The following OTOG variants were observed in gnomAD, a reference collection of about 807,000 sequenced individuals.
OTOG encodes otogelin.
A neutral mutation model predicts 313.8 loss-of-function variants in OTOG; 296 were observed. The observed-to-expected ratio is 0.94, with a 90% CI of 0.86 to 1.04. OTOG has a LOEUF of 1.04. Among genes scored for constraint, OTOG ranks in the 50% least tolerant of loss-of-function variants. The probability of loss-of-function intolerance (pLI) is 0.00; values close to 1 mark genes in which losing one functional copy is unlikely to be tolerated. For synonymous variants in OTOG, 1,533 were observed against 1,554.9 expected (o/e 0.99, Z 0.33); for missense variants, 3,948 against 3,840.1 (o/e 1.03, Z -0.74).
chr11:17,609,720 G>T lies in OTOG; in HGVS notation c.4420G>T (p.Gly1474Trp), dbSNP rs755818807. The T allele has an allele frequency of 6.5e-7, 1 of 1,541,342 alleles. No homozygotes were observed. The highest frequency in any genetic ancestry group is 1.2e-5 in the South Asian group (1 of 82,200). The change falls in exon 36 of 56, where the codon GGG becomes TGG. Residue 1474 changes from glycine (G) to tryptophan (W), a missense_variant. Gly to Trp is a radical substitution (Grantham distance 184). Transcript: ENST00000399397. ...LGNETLPPSQ[G>W]LPTPSDEEPQ... ...CAATGAGACCCTCCCTCCCAGTCAAGGGTTGCCCACTCCCAGTGATGAGGA... is the reference window on the plus strand; with the variant it reads ...CAATGAGACCCTCCCTCCCAGTCAATGGTTGCCCACTCCCAGTGATGAGGA...
Position 17,634,725 on chromosome 11 carries a change from G to A in OTOG, c.7481-119G>A, listed in dbSNP as rs192487134. On this transcript the variant is annotated intron_variant, in intron 44 of 55. Coordinates refer to ENST00000399397, the MANE Select transcript of OTOG (RefSeq NM_001292063.2). ...TCATCTAGGAGTATGGGTCCTGGGG[G>A]CTGGGGGGAGGAGTGGGGCCAGGCG... The A allele has an allele frequency of 1.6e-4, 127 of 791,262 alleles. 1 individual carries two copies. Among genetic ancestry groups the A allele is most frequent in the Middle Eastern group, 1.4e-3 (4 of 2,778 alleles). 49.0% of individuals were successfully genotyped at this position (791,262 alleles called of 1,614,324 possible).
At chr11:17,578,909 C>A (rs1852602018) in intron 23 of OTOG, among the ~76,000 whole-genome samples, 1 of 152,222 alleles carries the variant, frequency 6.6e-6, no homozygotes, top group African/African-American at 2.4e-5. Flanking sequence ...AGCTCTCAAC[C>A]TCTTCCTCTG....
In OTOG at chr11:17,612,661, G is replaced by C; in HGVS notation, c.6334G>C (p.Asp2112His). 2 of 1,550,530 alleles carry C rather than the reference G, an allele frequency of 1.3e-6. No individual in the cohort carries two copies. Among genetic ancestry groups the C allele is most frequent in the Non-Finnish European group, 1.7e-6 (2 of 1,146,970 alleles). The part of the protein sequence containing the change: ...IFPDLSFVTF[D>H]GSHVALFKEA... ...CCCTGACCTGAGCTTCGTGACCTTC[G>C]ATGGGAGCCACGTAGCTCTGTTCAA... The change falls in exon 38 of 56, where the codon GAT becomes CAT. Residue 2112 changes from aspartate (D) to histidine (H), a missense_variant. Coordinates refer to ENST00000399397, the MANE Select transcript of OTOG (RefSeq NM_001292063.2).
At chr11:17,569,561 T>A (rs184995269) in intron 16 of OTOG, among the ~76,000 whole-genome samples, 55 of 152,338 alleles carry the variant, frequency 3.6e-4, no homozygotes, top group Non-Finnish European at 6.5e-4. Context: ...CTCTCATAAC[T>A]TGTTTATTAA....
chr11:17,602,300 T>G lies in OTOG; in HGVS notation c.3800T>G (p.Val1267Gly). 6.4e-7 allele frequency: 1 copy of G among 1,550,546 alleles called. No homozygotes were observed. Among genetic ancestry groups the G allele is most frequent in the South Asian group, 1.2e-5 (1 of 84,040 alleles). The change falls in exon 32 of 56, where the codon GTG becomes GGG. Residue 1267 changes from valine (V) to glycine (G), a missense_variant. Transcript: ENST00000399397. ...MKAVGDDIVL[V>G]RTEDVAPADI... ...GCGGTGGGCGATGACATAGTCCTAG[T>G]GAGGACAGAGGATGTGGCGCCAGCA...
intron 15 of OTOG, among the ~76,000 whole-genome samples, chr11:17,564,086 C>T (rs1852250841): frequency 6.6e-6 from 1 of 152,132 alleles, no homozygotes; most frequent in Non-Finnish European, 1.5e-5. Context: ...TGCCTCTTGA[C>T]AGCAGGTTCT....
At chr11:17,580,074 T>C (rs565655767) in intron 23 of OTOG, among the ~76,000 whole-genome samples, 1 of 152,322 alleles carries the variant, frequency 6.6e-6, no homozygotes, top group East Asian at 1.9e-4. Flanking sequence ...CCTAGGACCC[T>C]TGGGACCCAT....
intron 3 of OTOG, 142 bp from the exon 4 acceptor site, chr11:17,551,858 G>A: frequency 1.4e-6 from 1 of 691,232 alleles, no homozygotes; most frequent in Non-Finnish European, 2.6e-6. Context: ...GGCCAGGCGA[G>A]GAGGAGTGGC....
intron 23 of OTOG, among the ~76,000 whole-genome samples, chr11:17,581,373 A>C (rs1192148315): frequency 2.6e-5 from 4 of 152,178 alleles, no homozygotes; most frequent in Non-Finnish European, 4.4e-5. Flanking sequence ...AGGAGGGGTG[A>C]GATGCATCGT....
At chr11:17,619,615 A>G (rs1397454403) in intron 39 of OTOG, among the ~76,000 whole-genome samples, 2 of 152,052 alleles carry the variant, frequency 1.3e-5, no homozygotes, top group African/African-American at 4.8e-5. Context: ...GTCACAGACT[A>G]GCTACAAATA....
chr11:17,633,873 C>A lies in OTOG; in HGVS notation c.7266C>A (p.Cys2422Ter), dbSNP rs1450427701. The A allele has an allele frequency of 6.5e-7, 1 of 1,530,258 alleles. No homozygotes were observed. Among genetic ancestry groups the A allele is most frequent in the Non-Finnish European group, 8.8e-7 (1 of 1,137,402 alleles). 94.8% of individuals were successfully genotyped at this position (1,530,258 alleles called of 1,614,324 possible). ...HSALCIPEAK[C>*]ACTDSMGVPR... Reference sequence around the variant, plus strand: ...CACTCTGCATCCCGGAGGCCAAGTGCGGTAGGTTCCTCCCCTCCCTGAGTG... The same window carrying A: ...CACTCTGCATCCCGGAGGCCAAGTGAGGTAGGTTCCTCCCCTCCCTGAGTG... The change falls in exon 43 of 56, where the codon TGC (cysteine) becomes TGA (stop). Residue 2422 changes from cysteine to a stop codon, truncating the protein, a stop_gained and splice_region_variant. Coordinates refer to ENST00000399397, the MANE Select transcript of OTOG (RefSeq NM_001292063.2). LOFTEE classifies it high-confidence loss of function.
chr11:17,626,613 A>AT (rs1023792459), intron 39 of OTOG, among the ~76,000 whole-genome samples: 1 of 152,102 alleles, frequency 6.6e-6, no homozygotes, highest in African/African-American at 2.4e-5. Context: ...GGTCTTTTAT[A>AT]ATTCCATGTA....
In OTOG at chr11:17,638,394, G is replaced by T. The variant is rs1310936363; in HGVS notation, c.7796-57G>T. ...CTTTAGCCAGTGTTGCCCTTCTGAG[G>T]ATTCACATCCCCAGGTGCCTGTGAC... On this transcript the variant is annotated intron_variant, in intron 47 of 55. Coordinates refer to ENST00000399397, the MANE Select transcript of OTOG (RefSeq NM_001292063.2). 6.5e-6 allele frequency: 9 copies of T among 1,393,090 alleles called. No homozygotes were observed. In the African/African-American group the frequency reaches 8.6e-5, roughly 13 times the overall value. 86.3% of individuals were successfully genotyped at this position (1,393,090 alleles called of 1,614,324 possible).
intron 54 of OTOG, among the ~76,000 whole-genome samples, chr11:17,645,338 T>A (rs187234828): frequency 3.5e-4 from 54 of 152,314 alleles, no homozygotes; most frequent in Admixed American, 3.3e-3. Flanking sequence ...CTGGCCTTCC[T>A]GCCTCACTTG....
chr11:17,639,339 C>T, intron 48 of OTOG, 84 bp from the exon 49 acceptor site: 1 of 1,432,188 alleles, frequency 7.0e-7, no homozygotes. Context: ...CGGGTTGTGC[C>T]AGCAGTGAGA....
At chr11:17,556,009 CAG>C (rs1353004825) in intron 7 of OTOG, 112 bp downstream of exon 7, 2 of 797,206 alleles carry the variant, frequency 2.5e-6, no homozygotes, top group African/African-American at 1.7e-5. Flanking sequence ...TGGGGACAAA[CAG>C]CAATTTCCAC....
chr11:17,641,970 G>A lies in OTOG; in HGVS notation c.8295+19G>A. 1.3e-6 allele frequency: 2 copies of A among 1,547,490 alleles called. No individual in the cohort carries two copies. Among genetic ancestry groups the A allele is most frequent in the Non-Finnish European group, 1.7e-6 (2 of 1,145,052 alleles). ...GTTCTTGGTAAGCAGCCCCCTCGCT[G>A]CCCACTTAGGAGGGTGTCCCAGAAG... On this transcript the variant is annotated intron_variant, in intron 52 of 55. Transcript: ENST00000399397.
rs1853652226 is a variant in OTOG at position 17,613,619 on chromosome 11, T to C, written c.6446T>C (p.Leu2149Pro). Residue 2149 changes from leucine to proline, a missense_variant, in exon 39 of 56, where the codon CTG becomes CCG. Leu to Pro is a moderately conservative substitution (Grantham distance 98, BLOSUM62 -3). Coordinates refer to ENST00000399397, the MANE Select transcript of OTOG (RefSeq NM_001292063.2). ...LDCKSANLGHLNWPPFCLVML... is the reference protein window; with the variant it reads ...LDCKSANLGHPNWPPFCLVML... Reference sequence around the variant, plus strand: ...GCTGGGTTCTCTCTGCAGGGGCACCTGAACTGGCCCCCGTTCTGTCTGGTG... The same window carrying C: ...GCTGGGTTCTCTCTGCAGGGGCACCCGAACTGGCCCCCGTTCTGTCTGGTG... 1 of 1,550,516 alleles carries C rather than the reference T, an allele frequency of 6.4e-7. No individual in the cohort carries two copies. Among genetic ancestry groups the C allele is most frequent in the Non-Finnish European group, 8.7e-7 (1 of 1,147,014 alleles).
In OTOG at chr11:17,634,191, C is replaced by A. The variant is rs1034709407; in HGVS notation, c.7390C>A (p.Pro2464Thr). 1.9e-6 allele frequency: 3 copies of A among 1,550,290 alleles called. No individual in the cohort carries two copies. The African/African-American group carries it at 4.1e-5, about 21-fold the overall frequency. The stretch of plus-strand genomic sequence containing the variant: ...CATTGTCCCGGTGGATCTGGGCTGC[C>A]CCAGTCCCCGCCCTGAGAGCTGCCT... ...DTIVPVDLGC[P>T]SPRPESCLRF... Residue 2464 changes from proline to threonine, a missense_variant, in exon 44 of 56, where the codon CCC (proline) becomes ACC (threonine). Coordinates refer to ENST00000399397, the MANE Select transcript of OTOG (RefSeq NM_001292063.2).
Sources: gnomAD v4.1 joint callset for allele counts (sites outside exome capture counted in the v4.1 genomes callset) on GRCh38, gnomAD v4.1.1 for gene constraint, MANE v1.5 for transcripts, NCBI Gene and HGNC (gene_info 2026-07-23, HGNC 2026-07-21) for gene names.